MRPS35: variants seen among roughly 807,000 people sequenced by gnomAD.
The protein encoded by MRPS35 is small ribosomal subunit protein mS35.
In MRPS35, 29 loss-of-function variants were observed where a neutral mutation model predicts 32.7. The ratio of observed to expected loss-of-function variants is 0.89; its 90% CI spans 0.66 to 1.21. MRPS35 has a LOEUF of 1.21. MRPS35 is among the 50% of genes most tolerant of loss of function. The probability of loss-of-function intolerance (pLI) is 0.00; values close to 1 mark genes in which losing one functional copy is unlikely to be tolerated. For missense variants in MRPS35, 373 were observed against 383.8 expected (o/e 0.97, Z 0.23); for synonymous variants, 148 against 139.3 (o/e 1.06, Z -0.44).
At chr12:27,714,415 A>G (rs1471385604) in intron 1 of MRPS35, among the ~76,000 whole-genome samples, 1 of 151,962 alleles carries the variant, frequency 6.6e-6, no homozygotes, top group African/African-American at 2.4e-5. Context: ...GTGAAACTCT[A>G]TCTCTACTAA....
intron 7 of MRPS35, among the ~76,000 whole-genome samples, chr12:27,748,714 A>AG (rs1243037476): frequency 6.6e-6 from 1 of 152,132 alleles, no homozygotes; most frequent in Non-Finnish European, 1.5e-5. Context: ...CCTGTCACCC[A>AG]GGCTGGAGTG....
In MRPS35 at chr12:27,755,163, T is replaced by G. The variant is rs770553385; in HGVS notation, c.703-18T>G. 1 of 1,480,498 alleles carries G rather than the reference T, an allele frequency of 6.8e-7. No homozygotes were observed. The highest frequency in any genetic ancestry group is 1.5e-5 in the South Asian group (1 of 67,958). 91.7% of individuals were successfully genotyped at this position (1,480,498 alleles called of 1,614,324 possible). Reference sequence around the variant, plus strand: ...TCAGAATTCAGAACTCATTTTTTTTTGTTTTGTTTTGTTTCAGAATACTGA... The same window carrying G: ...TCAGAATTCAGAACTCATTTTTTTTGGTTTTGTTTTGTTTCAGAATACTGA... On this transcript the variant is annotated intron_variant, in intron 7 of 7. Transcript: ENST00000081029.
Position 27,755,243 on chromosome 12 carries a change from T to C in MRPS35, c.765T>C (p.Asn255=), listed in dbSNP as rs2062021747. 3 of 1,610,168 alleles carry C rather than the reference T, an allele frequency of 1.9e-6. No individual in the cohort carries two copies. In the East Asian group the frequency reaches 6.7e-5, roughly 36 times the overall value. Residue 255 remains asparagine (N), a synonymous_variant, in exon 8 of 8, where the codon AAT becomes AAC. Transcript: ENST00000081029. ...ACATGGAAGAGTATATATGGGAAAA[T>C]AGCTCATCAGAAAGAAATATCCTGG... ...EADMEEYIWE[N]SSSERNILET... is the part of the protein sequence containing the mutation.
chr12:27,754,091 T>C lies in MRPS35; in HGVS notation c.703-1090T>C, dbSNP rs147277752. 6.4e-3 allele frequency among the ~76,000 whole-genome samples: 979 copies of C among 152,080 alleles called. 9 individuals carry two copies. Among genetic ancestry groups the C allele is most frequent in the African/African-American group, 0.023 (937 of 41,480 alleles). ...AAACATGGTGAAACTCCAACTCTAC[T>C]AAAAATACAAAAATTAGCTGGGCGT... On this transcript the variant is annotated intron_variant, in intron 7 of 7. Coordinates refer to ENST00000081029, the MANE Select transcript of MRPS35 (RefSeq NM_021821.4).
Position 27,710,870 on chromosome 12 carries a change from G to A in MRPS35, c.27G>A (p.Trp9Ter). MAAAALPAWLSLQSRARTL... is the reference protein window; with the variant it reads MAAAALPA The stretch of plus-strand genomic sequence containing the variant: ...TGGCGGCCGCCGCGCTCCCAGCATG[G>A]CTGTCTCTGCAGTCGAGGGCAAGGA... The change falls in exon 1 of 8, where the codon TGG (tryptophan) becomes TGA (stop). Residue 9 changes from tryptophan (W) to a stop codon, truncating the protein, a stop_gained. Transcript: ENST00000081029. LOFTEE classifies it high-confidence loss of function. 2 of 1,610,434 alleles carry A rather than the reference G, an allele frequency of 1.2e-6. No individual in the cohort carries two copies. Among genetic ancestry groups the A allele is most frequent in the East Asian group, 2.2e-5 (1 of 44,858 alleles).
chr12:27,714,088 A>T lies in MRPS35; in HGVS notation c.113-692A>T, dbSNP rs199902998. 3.7e-3 allele frequency among the ~76,000 whole-genome samples: 564 copies of T among 151,882 alleles called. 20 individuals carry two copies. In the East Asian group the frequency reaches 0.092, roughly 25 times the overall value. ...ATGACCTTGTCTCAAAAAAAAAAAA[A>T]AAAAAAGAAAGAAAGAGAAAAAAGA... is the stretch of plus-strand genomic sequence containing the variant. On this transcript the variant is annotated intron_variant, in intron 1 of 7. Coordinates refer to ENST00000081029, the MANE Select transcript of MRPS35 (RefSeq NM_021821.4).
intron 5 of MRPS35, 113 bp from the exon 6 acceptor site, chr12:27,735,334 T>C (rs549928447): frequency 9.5e-6 from 7 of 736,492 alleles, no homozygotes; most frequent in Middle Eastern, 4.0e-4. Flanking sequence ...GAAAGGAGTT[T>C]GGAAAGCTTT....
chr12:27,716,851 C>T (rs139670609), intron 3 of MRPS35, among the ~76,000 whole-genome samples: 8 of 152,174 alleles, frequency 5.3e-5, no homozygotes, highest in South Asian at 2.1e-4. Context: ...ATTAGCCAGA[C>T]GTGGTGGTGG....
At chr12:27,715,386 C>G (rs1392117626) in intron 2 of MRPS35, among the ~76,000 whole-genome samples, 2 of 152,170 alleles carry the variant, frequency 1.3e-5, no homozygotes, top group Admixed American at 1.3e-4. Context: ...ATCCACCCGC[C>G]TCAGTGCTGG....
chr12:27,738,913 C>CT (rs60150957), intron 7 of MRPS35, among the ~76,000 whole-genome samples: 13,369 of 139,806 alleles, frequency 0.096, 2,001 homozygotes, highest in African/African-American at 0.32. Context: ...TTACTGAGAA[C>CT]TTTTTTTTTT....
intron 7 of MRPS35, among the ~76,000 whole-genome samples, chr12:27,740,740 A>G (rs1441499655): frequency 2.0e-5 from 3 of 152,222 alleles, no homozygotes; most frequent in Non-Finnish European, 4.4e-5. Context: ...GTTTAACTAT[A>G]GAAGTGTCAA....
At chr12:27,738,662 C>T (rs1291247795) in intron 7 of MRPS35, among the ~76,000 whole-genome samples, 1 of 151,962 alleles carries the variant, frequency 6.6e-6, no homozygotes, top group African/African-American at 2.4e-5. Flanking sequence ...ACACAGGGGA[C>T]TCAATAGCAT....
In MRPS35 at chr12:27,735,479, C is replaced by T. The variant is rs139328988; in HGVS notation, c.555C>T (p.His185=). 9.6e-5 allele frequency: 155 copies of T among 1,609,964 alleles called. No homozygotes were observed. Among genetic ancestry groups the T allele is most frequent in the African/African-American group, 3.5e-4 (26 of 74,704 alleles). The change falls in exon 6 of 8, where the codon CAC becomes CAT. Residue 185 remains histidine (H), a synonymous_variant. Transcript: ENST00000081029. ...TTTCCAGTTTGAATTTAGATGATCACGCAAAGAAGAAATTAATTAAACTTG... is the reference window on the plus strand; with the variant it reads ...TTTCCAGTTTGAATTTAGATGATCATGCAAAGAAGAAATTAATTAAACTTG... The part of the protein sequence containing the change: ...VKLSSLNLDD[H]AKKKLIKLVG...
chr12:27,721,551 C>T (rs1316961979), intron 4 of MRPS35, among the ~76,000 whole-genome samples: 2 of 152,018 alleles, frequency 1.3e-5, no homozygotes, highest in African/African-American at 2.4e-5. Flanking sequence ...CCCGGCTACT[C>T]GGGGGCCTGA....
At chr12:27,728,921 A>G (rs780382816) in intron 5 of MRPS35, among the ~76,000 whole-genome samples, 1 of 152,148 alleles carries the variant, frequency 6.6e-6, no homozygotes, top group Non-Finnish European at 1.5e-5. Flanking sequence ...AGATATTGCT[A>G]TGTATTTTAT....
chr12:27,749,429 G>A (rs2061993375), intron 7 of MRPS35, among the ~76,000 whole-genome samples: 1 of 152,068 alleles, frequency 6.6e-6, no homozygotes, highest in South Asian at 2.1e-4. Context: ...CAAATAGTAT[G>A]GAGTCAGTGA....
intron 7 of MRPS35, among the ~76,000 whole-genome samples, chr12:27,751,050 A>C (rs531825094): frequency 7.3e-6 from 1 of 137,784 alleles, no homozygotes; most frequent in African/African-American, 2.7e-5. Flanking sequence ...TTGCAGTGAG[A>C]CGAGATCATG....
intron 4 of MRPS35, among the ~76,000 whole-genome samples, chr12:27,720,219 C>T (rs1029114865): frequency 6.6e-6 from 1 of 151,990 alleles, no homozygotes; most frequent in Non-Finnish European, 1.5e-5. Context: ...TAGTGAAACC[C>T]TGTCTCTACT....
At chr12:27,746,818 C>T (rs1240082398) in intron 7 of MRPS35, among the ~76,000 whole-genome samples, 3 of 152,148 alleles carry the variant, frequency 2.0e-5, no homozygotes, top group Non-Finnish European at 2.9e-5. Context: ...CCAAGTCTTT[C>T]GGTTTTCGCT....
Sources: gnomAD v4.1 joint callset for allele counts (sites outside exome capture counted in the v4.1 genomes callset) on GRCh38, gnomAD v4.1.1 for gene constraint, MANE v1.5 for transcripts, NCBI Gene and HGNC (gene_info 2026-07-23, HGNC 2026-07-21) for gene names.